Variants in KCNMB2 observed in about 807,000 individuals in gnomAD.
KCNMB2 encodes potassium calcium-activated channel subfamily M regulatory beta subunit 2, also known as calcium-activated potassium channel subunit beta-2.
Under a neutral mutation model 24.5 loss-of-function variants are expected in KCNMB2, and 9 were observed. The ratio of observed to expected loss-of-function variants is 0.37; its 90% CI spans 0.22 to 0.64. The LOEUF is 0.64. Ranked by LOEUF, KCNMB2 falls within the 30% of genes least tolerant of loss-of-function variation. KCNMB2 has a pLI of 0.63. For missense variants in KCNMB2, 226 were observed against 284.3 expected (o/e 0.79, Z 1.47); for synonymous variants, 109 against 104.4 (o/e 1.04, Z -0.27).
At chr3:178,642,680 G>A (rs1719769204) in intron 1 of KCNMB2, among the ~76,000 whole-genome samples, 2 of 152,146 alleles carry the variant, frequency 1.3e-5, no homozygotes, top group Admixed American at 6.5e-5. Context: ...AAACTCCATT[G>A]CTGGGGTGAA....
At chr3:178,675,168 A>C (rs1297263993) in intron 1 of KCNMB2, among the ~76,000 whole-genome samples, 1 of 152,192 alleles carries the variant, frequency 6.6e-6, no homozygotes, top group African/African-American at 2.4e-5. Flanking sequence ...ATTTTGATTC[A>C]TTTTTAATTC....
intron 1 of KCNMB2, among the ~76,000 whole-genome samples, chr3:178,617,082 GT>G (rs896282440): frequency 6.6e-6 from 1 of 152,000 alleles, no homozygotes; most frequent in Non-Finnish European, 1.5e-5. Flanking sequence ...GATGATTTTT[GT>G]TGCGTGTGTT....
intron 1 of KCNMB2, among the ~76,000 whole-genome samples, chr3:178,784,716 T>C (rs1163488534): frequency 8.9e-6 from 1 of 112,758 alleles, no homozygotes; most frequent in African/African-American, 2.6e-5. Flanking sequence ...TGTTAACTGA[T>C]TTTTTTAAAT....
At chr3:178,603,887 T>C (rs1476827097) in intron 1 of KCNMB2, among the ~76,000 whole-genome samples, 1 of 152,128 alleles carries the variant, frequency 6.6e-6, no homozygotes, top group Non-Finnish European at 1.5e-5. Flanking sequence ...GAAACTGACA[T>C]TGCACATATA....
intron 1 of KCNMB2, among the ~76,000 whole-genome samples, chr3:178,684,984 A>G (rs1431514004): frequency 6.6e-6 from 1 of 152,216 alleles, no homozygotes; most frequent in East Asian, 1.9e-4. Context: ...TTTCTTACCT[A>G]AAGAAATGCA....
At position 178,842,745 on chromosome 3, in the gene KCNMB2, C is replaced by T; in HGVS notation, c.516C>T (p.Phe172=). Residue 172 remains phenylalanine (F), a synonymous_variant, in exon 5 of 5, where the codon TTC becomes TTT. Transcript: ENST00000452583. ...AAAACTTCAGGAAGTATCAACACTT[C>T]TCCTGCTATTCTGACCCAGAAGGAA... is the stretch of plus-strand genomic sequence containing the variant. The part of the protein sequence containing the change: ...VMENFRKYQH[F]SCYSDPEGNQ... 9 of 1,613,322 alleles carry T rather than the reference C, an allele frequency of 5.6e-6. No individual in the cohort carries two copies. The highest frequency in any genetic ancestry group is 6.8e-6 in the Non-Finnish European group (8 of 1,179,244).
chr3:178,541,486 C>A (rs1239488982), intron 1 of KCNMB2, among the ~76,000 whole-genome samples: 1 of 152,182 alleles, frequency 6.6e-6, no homozygotes, highest in African/African-American at 2.4e-5. Context: ...TCGTACTATT[C>A]ATTTACACTT....
intron 1 of KCNMB2, among the ~76,000 whole-genome samples, chr3:178,651,238 A>T (rs1171159996): frequency 6.6e-6 from 1 of 152,206 alleles, no homozygotes; most frequent in Non-Finnish European, 1.5e-5. Flanking sequence ...ACGTCTCAGG[A>T]TACAAAATCA....
chr3:178,780,053 TAAAAAAAAA>T (rs11406849), intron 1 of KCNMB2, among the ~76,000 whole-genome samples: 1 of 134,022 alleles, frequency 7.5e-6, no homozygotes, highest in Non-Finnish European at 1.6e-5. Context: ...TTGTTTTTTT[TAAAAAAAAA>T]AAAAAAAAAA....
chr3:178,625,168 C>T (rs1220330178), intron 1 of KCNMB2, among the ~76,000 whole-genome samples: 1 of 152,046 alleles, frequency 6.6e-6, no homozygotes, highest in Non-Finnish European at 1.5e-5. Flanking sequence ...TCCCAGGAGC[C>T]AGGGGGCACC....
At chr3:178,767,339 A>G (rs1712165160) in intron 1 of KCNMB2, among the ~76,000 whole-genome samples, 1 of 152,226 alleles carries the variant, frequency 6.6e-6, no homozygotes, top group Non-Finnish European at 1.5e-5. Flanking sequence ...ATATTCCAGA[A>G]GCACTCAAAG....
intron 1 of KCNMB2, among the ~76,000 whole-genome samples, chr3:178,545,012 T>G (rs1266381247): frequency 1.3e-5 from 2 of 152,172 alleles, no homozygotes; most frequent in Non-Finnish European, 2.9e-5. Context: ...ATGCCTTATC[T>G]TTATTTACCA....
intron 1 of KCNMB2, among the ~76,000 whole-genome samples, chr3:178,596,088 C>T (rs1328488661): frequency 6.6e-6 from 1 of 152,040 alleles, no homozygotes; most frequent in Non-Finnish European, 1.5e-5. Context: ...GCTCTTGCCA[C>T]CTTTGATTTG....
intron 1 of KCNMB2, among the ~76,000 whole-genome samples, chr3:178,797,011 A>G (rs991408279): frequency 6.6e-6 from 1 of 152,116 alleles, no homozygotes; most frequent in Non-Finnish European, 1.5e-5. Flanking sequence ...TAAGAAAACA[A>G]GAGAAGACTC....
intron 1 of KCNMB2, among the ~76,000 whole-genome samples, chr3:178,632,074 A>G (rs1719341207): frequency 6.6e-6 from 1 of 152,226 alleles, no homozygotes; most frequent in Admixed American, 6.5e-5. Context: ...GGGAGGCAAG[A>G]CCATGTTATC....
chr3:178,721,988 T>C (rs1722822083), intron 1 of KCNMB2, among the ~76,000 whole-genome samples: 1 of 152,200 alleles, frequency 6.6e-6, no homozygotes, highest in Non-Finnish European at 1.5e-5. Context: ...ATTTCAAATA[T>C]TTTCTCTTAG....
chr3:178,748,522 G>A (rs1254957010), intron 1 of KCNMB2: 1 of 152,150 alleles, frequency 6.6e-6, no homozygotes, highest in African/African-American at 2.4e-5. Flanking sequence ...AACATTAATG[G>A]CTTATGAATG....
intron 1 of KCNMB2, among the ~76,000 whole-genome samples, chr3:178,804,216 T>C (rs1713878094): frequency 6.6e-6 from 1 of 152,220 alleles, no homozygotes; most frequent in Admixed American, 6.5e-5. Flanking sequence ...TTTCTTGTCC[T>C]ATAAAATGAG....
chr3:178,563,551 G>A (rs897662809), intron 1 of KCNMB2, among the ~76,000 whole-genome samples: 1 of 152,148 alleles, frequency 6.6e-6, no homozygotes, highest in Non-Finnish European at 1.5e-5. Context: ...AGTCAAAGAC[G>A]TGTCTCCTTT....
Sources: gnomAD v4.1 joint callset for allele counts (sites outside exome capture counted in the v4.1 genomes callset) on GRCh38, gnomAD v4.1.1 for gene constraint, MANE v1.5 for transcripts, NCBI Gene and HGNC (gene_info 2026-07-23, HGNC 2026-07-21) for gene names.